The following MYO9B variants were observed in gnomAD, a reference collection of about 807,000 sequenced individuals.
MYO9B encodes myosin IXB.
A neutral mutation model predicts 229.5 loss-of-function variants in MYO9B; 71 were observed. That is an observed-to-expected ratio of 0.31 (90% CI 0.26 to 0.38). MYO9B has a LOEUF of 0.38. MYO9B is among the 10% of genes least tolerant of loss of function. MYO9B has a pLI of 1.00. For missense variants in MYO9B, 2,255 were observed against 2,920.5 expected (o/e 0.77, Z 5.25); for synonymous variants, 1,185 against 1,235.8 (o/e 0.96, Z 0.86).
In MYO9B at chr19:17,195,160, C is replaced by G. The variant is rs1243420774; in HGVS notation, c.3733C>G (p.Pro1245Ala). 6.2e-7 allele frequency: 1 copy of G among 1,611,118 alleles called. No individual in the cohort carries two copies. The highest frequency in any genetic ancestry group is 8.5e-7 in the Non-Finnish European group (1 of 1,179,302). ...EKTLPSGSPR[P>A]GQLERPTSLA... ...GACGCTGCCCAGTGGGAGCCCCAGG[C>G]CTGGCCAGTTGGAGCGGCCGACCAG... Residue 1245 changes from proline (P) to alanine (A), a missense_variant, in exon 22 of 40, where the codon CCT (proline) becomes GCT (alanine). By Grantham distance (27) the Pro-to-Ala change is conservative. Coordinates refer to ENST00000682292, the MANE Select transcript of MYO9B (RefSeq NM_004145.4). The surrounding 1 kb of genome is among the most constrained non-coding windows in gnomAD (Gnocchi z 4.5).
chr19:17,104,722 A>G (rs2057777055), intron 2 of MYO9B, among the ~76,000 whole-genome samples: 2 of 143,586 alleles, frequency 1.4e-5, no homozygotes, highest in Admixed American at 7.2e-5. Context: ...CACTGTACCC[A>G]GCTCCGCTTA....
intron 2 of MYO9B, among the ~76,000 whole-genome samples, chr19:17,121,148 G>T (rs561125464): frequency 6.6e-6 from 1 of 152,104 alleles, no homozygotes; most frequent in Admixed American, 6.6e-5. Flanking sequence ...TTGCCATGTT[G>T]TCCAGCCTGG....
At chr19:17,186,353 A>G (rs1302627106) in intron 18 of MYO9B, among the ~76,000 whole-genome samples, 1 of 152,148 alleles carries the variant, frequency 6.6e-6, no homozygotes. Context: ...CGCTGCTCAC[A>G]TTACAAGTTT....
chr19:17,205,444 T>C (rs2305763), intron 31 of MYO9B, 108 bp downstream of exon 31: 489,773 of 1,065,194 alleles, frequency 0.46, 120,583 homozygotes, highest in East Asian at 0.76. Flanking sequence ...GAGCAGCCAG[T>C]AGGGGGCGGC....
intron 2 of MYO9B, among the ~76,000 whole-genome samples, chr19:17,104,259 A>C (rs1032737020): frequency 5.3e-5 from 8 of 152,080 alleles, no homozygotes; most frequent in African/African-American, 1.9e-4. Flanking sequence ...GGGGATGGCG[A>C]AGCATTGTCG....
chr19:17,125,302 C>CA (rs1014719084), intron 2 of MYO9B, among the ~76,000 whole-genome samples: 2 of 136,998 alleles, frequency 1.5e-5, no homozygotes, highest in African/African-American at 5.9e-5. Flanking sequence ...CCCCATCCCC[C>CA]CCCCCCCAAA....
intron 39 of MYO9B, 57 bp from the exon 40 acceptor site, chr19:17,211,838 G>C: frequency 1.2e-6 from 2 of 1,607,970 alleles, no homozygotes; most frequent in Non-Finnish European, 1.7e-6. Flanking sequence ...CCAGGGCGAG[G>C]GTCCTCCGGC....
Position 17,202,261 on chromosome 19 carries a change from G to A in MYO9B, c.4794G>A (p.Glu1598=), listed in dbSNP as rs1414348043. 10 of 1,591,376 alleles carry A rather than the reference G, an allele frequency of 6.3e-6. No homozygotes were observed. The highest frequency in any genetic ancestry group is 8.5e-6 in the Non-Finnish European group (10 of 1,170,630). The change falls in exon 28 of 40, where the codon GAG becomes GAA. Residue 1598 remains glutamate, a synonymous_variant. Transcript: ENST00000682292. ...ACCTCTTCCAGTCACTGCTAGATGA[G>A]TTCACCCGTGGCTACACCAAGAACG... ...VLNLFQSLLD[E]FTRGYTKNDF...
intron 8 of MYO9B, among the ~76,000 whole-genome samples, chr19:17,161,775 C>T (rs1009492783): frequency 1.3e-5 from 2 of 152,000 alleles, no homozygotes; most frequent in Middle Eastern, 3.4e-3. Context: ...AAGACTGTGT[C>T]ACTGTACTTC....
intron 1 of MYO9B, among the ~76,000 whole-genome samples, chr19:17,083,108 G>A (rs1475788727): frequency 7.3e-6 from 1 of 136,352 alleles, no homozygotes; most frequent in East Asian, 2.1e-4. Flanking sequence ...TTGGCTCACT[G>A]CAGGCTTGAC....
intron 33 of MYO9B, 109 bp from the exon 34 acceptor site, chr19:17,206,570 G>T: frequency 1.5e-6 from 2 of 1,295,890 alleles, no homozygotes; most frequent in Non-Finnish European, 2.1e-6. Context: ...ATTCTTGCCT[G>T]GGCACCACAG....
Position 17,101,219 on chromosome 19 carries a change from C to G in MYO9B, c.-58-441C>G, listed in dbSNP as rs2145025952. Reference sequence around the variant, plus strand: ...AGTGACAGGGTCTCTCTCTCTCACCCAGGCTGGAGCACAGCTGGTATAATC... The same window carrying G: ...AGTGACAGGGTCTCTCTCTCTCACCGAGGCTGGAGCACAGCTGGTATAATC... On this transcript the variant is annotated intron_variant, in intron 1 of 39. Coordinates refer to ENST00000682292, the MANE Select transcript of MYO9B (RefSeq NM_004145.4). This position sits in a 1 kb window ranked among gnomAD's most constrained non-coding sequence, Gnocchi z 4.7. Among the ~76,000 whole-genome samples the G allele has an allele frequency of 6.6e-6, 1 of 151,880 alleles. No individual in the cohort carries two copies. The highest frequency in any genetic ancestry group is 2.1e-4 in the South Asian group (1 of 4,784).
At chr19:17,139,644 G>A (rs551693051) in intron 2 of MYO9B, among the ~76,000 whole-genome samples, 24 of 151,536 alleles carry the variant, frequency 1.6e-4, no homozygotes, top group Non-Finnish European at 2.6e-4. Context: ...AGCTTGAGGC[G>A]GGAGGATCAC....
At chr19:17,116,139 C>G (rs2057901022) in intron 2 of MYO9B, among the ~76,000 whole-genome samples, 1 of 152,084 alleles carries the variant, frequency 6.6e-6, no homozygotes, top group Non-Finnish European at 1.5e-5. Flanking sequence ...TGAACATCAG[C>G]AGGCCCCATC....
intron 2 of MYO9B, among the ~76,000 whole-genome samples, chr19:17,108,450 A>G (rs891760562): frequency 2.6e-5 from 4 of 152,174 alleles, no homozygotes; most frequent in Admixed American, 2.6e-4. Context: ...GACATTGAGC[A>G]GCATCCCTGG....
chr19:17,166,782 CTAAGGG>C (rs1462073169), intron 10 of MYO9B, among the ~76,000 whole-genome samples: 1 of 152,122 alleles, frequency 6.6e-6, no homozygotes, highest in Non-Finnish European at 1.5e-5. Context: ...CATTAGTATG[CTAAGGG>C]TAATGGCCTC....
intron 1 of MYO9B, among the ~76,000 whole-genome samples, chr19:17,094,000 G>A (rs1185749672): frequency 6.6e-6 from 1 of 150,568 alleles, no homozygotes; most frequent in East Asian, 1.9e-4. Context: ...GTAGGCATGA[G>A]CCACTGCAGC....
At chr19:17,192,709 C>T in intron 20 of MYO9B, 37 bp from the exon 21 acceptor site, 1 of 1,481,190 alleles carries the variant, frequency 6.8e-7, no homozygotes. Context: ...GTGTCAGGGG[C>T]AGTGCAGCTG....
chr19:17,184,845 A>T lies in MYO9B; in HGVS notation c.2374-20A>T. On this transcript the variant is annotated intron_variant, in intron 16 of 39. Coordinates refer to ENST00000682292, the MANE Select transcript of MYO9B (RefSeq NM_004145.4). Reference sequence around the variant, plus strand: ...TGTGGGCTGTGGGAGGGCAGGCCGGACCCCATGTGTCTGTCCTAGAACCTA... The same window carrying T: ...TGTGGGCTGTGGGAGGGCAGGCCGGTCCCCATGTGTCTGTCCTAGAACCTA... 6.2e-7 allele frequency: 1 copy of T among 1,613,272 alleles called. No individual in the cohort carries two copies. Among genetic ancestry groups the T allele is most frequent in the East Asian group, 2.2e-5 (1 of 44,870 alleles).
Sources: allele counts gnomAD v4.1 joint callset (sites outside exome capture counted in the v4.1 genomes callset), GRCh38; gene constraint gnomAD v4.1.1; non-coding constraint Gnocchi (gnomAD v3.1); transcripts MANE v1.5; gene names NCBI Gene and HGNC (gene_info 2026-07-23, HGNC 2026-07-21).